Variants in ZNF98 observed in about 807,000 individuals in gnomAD.
ZNF98 encodes the protein zinc finger protein 739.
In ZNF98, 8 loss-of-function variants were observed where a neutral mutation model predicts 12.8. That is an observed-to-expected ratio of 0.63 (90% CI 0.37 to 1.13). The LOEUF is 1.13. Ranked by LOEUF, ZNF98 falls within the 50% of genes most tolerant of loss-of-function variation. ZNF98 has a pLI of 0.01. For synonymous variants in ZNF98, 112 were observed against 223.5 expected (o/e 0.50, Z 4.45); for missense variants, 379 against 666.1 (o/e 0.57, Z 4.74).
chr19:22,415,079 G>A (rs1969625045), intron 1 of ZNF98, among the ~76,000 whole-genome samples: 1 of 150,788 alleles, frequency 6.6e-6, no homozygotes, highest in African/African-American at 2.4e-5. Flanking sequence ...ACATGAAAAA[G>A]ATTTTTTTTT....
Position 22,392,570 on chromosome 19 carries a change from G to A in ZNF98, c.665C>T (p.Ala222Val). 1 of 1,612,516 alleles carries A rather than the reference G, an allele frequency of 6.2e-7. No homozygotes were observed. The highest frequency in any genetic ancestry group is 8.5e-7 in the Non-Finnish European group (1 of 1,179,140). The change falls in exon 4 of 4, where the codon GCC (alanine) becomes GTC (valine). Residue 222 changes from alanine (A) to valine (V), a missense_variant. This residue lies in a region of ZNF98 where 223 missense variants were observed against 261.6 expected (regional missense o/e 0.85). Transcript: ENST00000357774. ...CKECGKAYNEASNLSTHKRIH... is the reference protein window; with the variant it reads ...CKECGKAYNEVSNLSTHKRIH... ...TCTTTTATGTGTAGAAAGGTTTGAG[G>A]CCTCATTATAGGCTTTCCCACATTC...
chr19:22,402,507 C>A, intron 3 of ZNF98: 2 of 410,834 alleles, frequency 4.9e-6, no homozygotes, highest in Non-Finnish European at 4.3e-6. Context: ...AAAAAGCAGT[C>A]AGATTTCACA....
In ZNF98 at chr19:22,392,879, T is replaced by C; in HGVS notation, c.356A>G (p.Asn119Ser). The C allele has an allele frequency of 6.2e-7, 1 of 1,607,744 alleles. No homozygotes were observed. ...TTTACAGTATTTTCTTAACTGTAAA[T>C]TTTCACGTCCACATTTTTTATATGT... is the stretch of plus-strand genomic sequence containing the variant. Reference protein sequence around the residue: ...LRTYKKCGRENLQLRKYCKSM... With the variant: ...LRTYKKCGRESLQLRKYCKSM... The change falls in exon 4 of 4, where the codon AAT (asparagine) becomes AGT (serine). Residue 119 changes from asparagine to serine, a missense_variant. By Grantham distance (46) the Asn-to-Ser change is conservative (BLOSUM62 1). Around this residue, in one of 8 missense-constraint regions of ZNF98, gnomAD observed 223 missense variants for 261.6 expected, o/e 0.85. Coordinates refer to ENST00000357774, the MANE Select transcript of ZNF98 (RefSeq NM_001098626.2).
In ZNF98 at chr19:22,391,351, A is replaced by T; in HGVS notation, c.*165T>A. ...TTTTTTACTTTCTTTATATTTGTAC[A>T]TTTGTTCTCATCAAGTATAAAGGCT... On this transcript the variant is annotated 3_prime_UTR_variant, in exon 4 of 4. Coordinates refer to ENST00000357774, the MANE Select transcript of ZNF98 (RefSeq NM_001098626.2). 3.7e-6 allele frequency: 5 copies of T among 1,369,338 alleles called. No homozygotes were observed. The highest frequency in any genetic ancestry group is 4.9e-6 in the Non-Finnish European group (5 of 1,028,116). 84.8% of individuals were successfully genotyped at this position (1,369,338 alleles called of 1,614,324 possible). A position where few individuals can be genotyped will look rare whatever the true frequency, so the allele number is the denominator to read the frequency against.
chr19:22,410,464 G>A (rs1969569043), intron 1 of ZNF98, among the ~76,000 whole-genome samples: 1 of 152,156 alleles, frequency 6.6e-6, no homozygotes, highest in Non-Finnish European at 1.5e-5. Flanking sequence ...CATGGATTAA[G>A]CTGGAAGTCA....
chr19:22,408,987 T>G (rs1338858501), intron 1 of ZNF98, among the ~76,000 whole-genome samples: 1 of 151,950 alleles, frequency 6.6e-6, no homozygotes, highest in Non-Finnish European at 1.5e-5. Flanking sequence ...GCCAAGACAA[T>G]CCTAAGCAAA....
rs867646673 is a variant in ZNF98, at chr19:22,403,457, C to A, written c.86G>T (p.Cys29Phe). 9 of 1,605,848 alleles carry A rather than the reference C, an allele frequency of 5.6e-6. No homozygotes were observed. Among genetic ancestry groups the A allele is most frequent in the Non-Finnish European group, 6.8e-6 (8 of 1,179,162 alleles). Reference sequence around the variant, plus strand: ...TAAATTCTGCTGTGCGGTGTCCAGGCATTGCCACTCCTCCAGAGAGAATTC... The same window carrying A: ...TAAATTCTGCTGTGCGGTGTCCAGGAATTGCCACTCCTCCAGAGAGAATTC... Reference protein sequence around the residue: ...ALEFSLEEWQCLDTAQQNLYR... With the variant: ...ALEFSLEEWQFLDTAQQNLYR... Residue 29 changes from cysteine to phenylalanine, a missense_variant, in exon 2 of 4, where the codon TGC becomes TTC. Cys to Phe is a radical substitution (Grantham distance 205, BLOSUM62 -2). Around this residue, in one of 8 missense-constraint regions of ZNF98, gnomAD observed 223 missense variants for 261.6 expected, o/e 0.85. Transcript: ENST00000357774.
chr19:22,417,229 C>CAAAAAAAAAAA (rs57152900), intron 1 of ZNF98, among the ~76,000 whole-genome samples: 1 of 45,454 alleles, frequency 2.2e-5, no homozygotes, highest in African/African-American at 1.1e-4. Flanking sequence ...AACTCCATCT[C>CAAAAAAAAAAA]AAAAAAAAAA....
intron 1 of ZNF98, among the ~76,000 whole-genome samples, chr19:22,418,886 A>C (rs1568297407): frequency 6.6e-6 from 1 of 152,196 alleles, no homozygotes; most frequent in Non-Finnish European, 1.5e-5. Context: ...CTCAAAAAAA[A>C]GCTGAATTTT....
intron 1 of ZNF98, among the ~76,000 whole-genome samples, chr19:22,405,488 C>T (rs573962225): frequency 7.2e-5 from 11 of 152,196 alleles, no homozygotes; most frequent in East Asian, 1.9e-4. Flanking sequence ...GAGAGCCATA[C>T]GGGGAAGGGG....
At chr19:22,408,863 A>G (rs540096671) in intron 1 of ZNF98, among the ~76,000 whole-genome samples, 12 of 152,342 alleles carry the variant, frequency 7.9e-5, no homozygotes, top group African/African-American at 1.2e-4. Context: ...CATACTGCCC[A>G]AAGTAATTTA....
intron 1 of ZNF98, among the ~76,000 whole-genome samples, chr19:22,409,671 G>A (rs766152311): frequency 8.6e-5 from 13 of 151,958 alleles, no homozygotes; most frequent in Non-Finnish European, 1.5e-4. Flanking sequence ...CACCACTTTC[G>A]GAGGCCGAGA....
Position 22,391,837 on chromosome 19 carries a change from T to C in ZNF98, c.1398A>G (p.Glu466=). ...HTGEKPYKCE[E]CGKAFNQSST... ...AGGACTGGTTAAAAGCTTTGCCACA[T>C]TCTTCACATTTGTAGGGTTTCTCTC... is the stretch of plus-strand genomic sequence containing the variant. Residue 466 remains glutamate (E), a synonymous_variant, in exon 4 of 4, where the codon GAA becomes GAG. Coordinates refer to ENST00000357774, the MANE Select transcript of ZNF98 (RefSeq NM_001098626.2). The C allele has an allele frequency of 6.2e-7, 1 of 1,605,304 alleles. No individual in the cohort carries two copies. The highest frequency in any genetic ancestry group is 1.4e-5 in the African/African-American group (1 of 73,824).
At chr19:22,412,799 T>C (rs1969593869) in intron 1 of ZNF98, among the ~76,000 whole-genome samples, 2 of 152,132 alleles carry the variant, frequency 1.3e-5, no homozygotes. Context: ...ACACCTGTAA[T>C]CCCAGCACTT....
chr19:22,413,705 T>C (rs1416536778), intron 1 of ZNF98, among the ~76,000 whole-genome samples: 1 of 151,390 alleles, frequency 6.6e-6, no homozygotes, highest in Non-Finnish European at 1.5e-5. Flanking sequence ...ACCCCGTCTC[T>C]ACTAAAAACA....
intron 1 of ZNF98, among the ~76,000 whole-genome samples, chr19:22,405,206 A>T (rs1231276452): frequency 1.3e-5 from 2 of 150,446 alleles, no homozygotes; most frequent in African/African-American, 2.4e-5. Context: ...CTTTGCAAGT[A>T]CTGAACATAT....
At chr19:22,408,616 T>G (rs1484737785) in intron 1 of ZNF98, among the ~76,000 whole-genome samples, 1 of 152,196 alleles carries the variant, frequency 6.6e-6, no homozygotes, top group African/African-American at 2.4e-5. Context: ...AAAATCAATG[T>G]GCAAAAATCA....
At position 22,422,322 on chromosome 19, in the gene ZNF98, T is replaced by A; in HGVS notation, c.-98A>T. The A allele has an allele frequency of 6.9e-7, 1 of 1,439,980 alleles. No individual in the cohort carries two copies. Among genetic ancestry groups the A allele is most frequent in the Non-Finnish European group, 9.7e-7 (1 of 1,029,014 alleles). The allele number at this position is 1,439,980 out of a possible 1,614,324, so 89.2% of individuals were successfully genotyped here. On this transcript the variant is annotated 5_prime_UTR_variant, in exon 1 of 4. Coordinates refer to ENST00000357774, the MANE Select transcript of ZNF98 (RefSeq NM_001098626.2). The stretch of plus-strand genomic sequence containing the variant: ...GAAGGGCGAAGACGAGACCAGGAAC[T>A]CCGGCTGCAGCGAGAGACAAAGACC...
chr19:22,418,627 C>T (rs1289269739), intron 1 of ZNF98, among the ~76,000 whole-genome samples: 3 of 152,168 alleles, frequency 2.0e-5, no homozygotes, highest in Admixed American at 6.5e-5. Flanking sequence ...GCCTGTAATC[C>T]CAGAACTTTG....
Sources: gnomAD v4.1 joint callset for allele counts (sites outside exome capture counted in the v4.1 genomes callset) on GRCh38, gnomAD v4.1.1 for gene constraint, gnomAD v4.1.1 regional missense constraint, MANE v1.5 for transcripts, NCBI Gene and HGNC (gene_info 2026-07-23, HGNC 2026-07-21) for gene names.